ANK3: variants seen among roughly 807,000 people sequenced by gnomAD.
The protein encoded by ANK3 is ankyrin-3.
A neutral mutation model predicts 370.9 loss-of-function variants in ANK3; 57 were observed. That is an observed-to-expected ratio of 0.15 (90% CI 0.12 to 0.19). ANK3 has a LOEUF of 0.19. ANK3 is among the 10% of genes least tolerant of loss of function. The probability of loss-of-function intolerance (pLI) is 1.00; values close to 1 mark genes in which losing one functional copy is unlikely to be tolerated. For synonymous variants in ANK3, 1,929 were observed against 1,946.3 expected (o/e 0.99, Z 0.23); for missense variants, 4,439 against 5,302.1 (o/e 0.84, Z 5.06).
intron 7 of ANK3, among the ~76,000 whole-genome samples, chr10:60,246,296 AGAT>A (rs1285584063): frequency 6.7e-6 from 1 of 149,486 alleles, no homozygotes; most frequent in Non-Finnish European, 1.5e-5. Context: ...AAAGAAAAAA[AGAT>A]GATCACCATT....
intron 23 of ANK3, among the ~76,000 whole-genome samples, chr10:60,155,450 G>T (rs1263768317): frequency 1.3e-5 from 2 of 152,180 alleles, no homozygotes; most frequent in Non-Finnish European, 2.9e-5. Context: ...TTCACCATTG[G>T]CTGACTAAAG....
At chr10:60,493,717 A>G (rs897066224) in intron 2 of ANK3, among the ~76,000 whole-genome samples, 4 of 152,012 alleles carry the variant, frequency 2.6e-5, no homozygotes, top group African/African-American at 9.7e-5. Context: ...TAAGAACTAC[A>G]TAGCCAACCC....
chr10:60,421,070 G>C (rs951338162), intron 2 of ANK3, among the ~76,000 whole-genome samples: 2 of 149,608 alleles, frequency 1.3e-5, no homozygotes, highest in Non-Finnish European at 3.0e-5. Flanking sequence ...TTGAGCACAT[G>C]TTAAGTGAAA....
rs2082334551 is a variant in ANK3 at position 60,069,699 on chromosome 10, C to A, written c.11182G>T (p.Ala3728Ser). ...TCTTTCTTCATGGTCATGGTGGATG[C>A]AGAAATTCCCATTTTTATAGGCGTG... ...LRTPIKMGIS[A>S]STMTMKKEGP... The change falls in exon 37 of 44, where the codon GCA (alanine) becomes TCA (serine). Residue 3728 changes from alanine to serine, a missense_variant. Ala to Ser is a moderately conservative substitution (Grantham distance 99, BLOSUM62 1). Around this residue, in one of 13 missense-constraint regions of ANK3, gnomAD observed 496 missense variants for 529.3 expected, o/e 0.94. Transcript: ENST00000280772. The A allele has an allele frequency of 1.9e-6, 3 of 1,613,798 alleles. No homozygotes were observed. Among genetic ancestry groups the A allele is most frequent in the South Asian group, 1.1e-5 (1 of 91,024 alleles).
intron 2 of ANK3, among the ~76,000 whole-genome samples, chr10:60,486,458 T>C (rs761350522): frequency 2.6e-5 from 4 of 152,176 alleles, no homozygotes; most frequent in Non-Finnish European, 5.9e-5. Flanking sequence ...TGCGCACCTG[T>C]AGTCCTAGCT....
chr10:60,205,064 G>A (rs1292043083), intron 11 of ANK3, among the ~76,000 whole-genome samples: 3 of 152,142 alleles, frequency 2.0e-5, no homozygotes, highest in Non-Finnish European at 4.4e-5. Context: ...TGAGGTGGAG[G>A]TTGGGGGTCT....
chr10:60,121,601 A>C (rs896807733), intron 25 of ANK3, among the ~76,000 whole-genome samples: 1 of 150,894 alleles, frequency 6.6e-6, no homozygotes, highest in Non-Finnish European at 1.5e-5. Flanking sequence ...CTGAGGAGGG[A>C]GGATGGCTTG....
chr10:60,577,702 C>G (rs996595513), intron 2 of ANK3, among the ~76,000 whole-genome samples: 8 of 152,150 alleles, frequency 5.3e-5, no homozygotes, highest in Non-Finnish European at 1.0e-4. Flanking sequence ...TTATCAGCAG[C>G]ATGAAAACAG....
chr10:60,198,251 T>G (rs1051140227), intron 14 of ANK3, 89 bp downstream of exon 14: 1 of 1,306,066 alleles, frequency 7.7e-7, no homozygotes. Flanking sequence ...GATGCTGTTG[T>G]GCAGCTTCTG....
chr10:60,485,929 T>C (rs2075335868), intron 2 of ANK3, among the ~76,000 whole-genome samples: 1 of 151,282 alleles, frequency 6.6e-6, no homozygotes, highest in Non-Finnish European at 1.5e-5. Context: ...AGAGAAAGTA[T>C]AGAAAGATGA....
At chr10:60,729,623 A>G (rs2079992445) in intron 1 of ANK3, among the ~76,000 whole-genome samples, 1 of 152,218 alleles carries the variant, frequency 6.6e-6, no homozygotes, top group Non-Finnish European at 1.5e-5. Flanking sequence ...CATCTGATCA[A>G]AAAACACCAC....
At chr10:60,292,006 C>T (rs1391393668) in intron 1 of ANK3, among the ~76,000 whole-genome samples, 1 of 152,178 alleles carries the variant, frequency 6.6e-6, no homozygotes, top group Non-Finnish European at 1.5e-5. Context: ...AGCCACTGTG[C>T]TCAGCTCAAG....
chr10:60,043,294 G>A, intron 42 of ANK3: 1 of 985,328 alleles, frequency 1.0e-6, no homozygotes, highest in Non-Finnish European at 1.2e-6. Flanking sequence ...CAAGGTTGTG[G>A]CACAAATACT....
chr10:60,449,333 C>T (rs1415859652), intron 2 of ANK3, among the ~76,000 whole-genome samples: 2 of 151,960 alleles, frequency 1.3e-5, no homozygotes, highest in Admixed American at 6.6e-5. Context: ...TTTAAACATC[C>T]TTTTTTGCAC....
At chr10:60,601,648 C>T (rs753972203) in intron 2 of ANK3, among the ~76,000 whole-genome samples, 2 of 151,632 alleles carry the variant, frequency 1.3e-5, no homozygotes, top group Non-Finnish European at 2.9e-5. Context: ...GATCCTGGAA[C>T]CAAAAAATAA....
rs537137066 is a variant in ANK3, at chr10:60,499,008, A to G, written c.96+116178T>C. On this transcript the variant is annotated intron_variant, in intron 2 of 43. Transcript: ENST00000373827. ...TATCTTCTCACAGTATCTTAATCACAATTTTGTAAAGTGGCAGTTCTTTTA... is the reference window on the plus strand; with the variant it reads ...TATCTTCTCACAGTATCTTAATCACGATTTTGTAAAGTGGCAGTTCTTTTA... Among the ~76,000 whole-genome samples, 3 of 152,310 alleles carry G rather than the reference A, an allele frequency of 2.0e-5. No individual in the cohort carries two copies. The South Asian group carries it at 6.2e-4, about 32-fold the overall frequency.
upstream of ANK3, among the ~76,000 whole-genome samples, chr10:60,392,445 T>C (rs1409972678): frequency 6.6e-6 from 1 of 152,180 alleles, no homozygotes; most frequent in Non-Finnish European, 1.5e-5. Flanking sequence ...GGCAGATCCC[T>C]GGTAGCAACA....
At chr10:60,337,495 C>G (rs2053276390) in intron 1 of ANK3, among the ~76,000 whole-genome samples, 1 of 152,134 alleles carries the variant, frequency 6.6e-6, no homozygotes, top group Admixed American at 6.5e-5. Context: ...AGCATTTTCT[C>G]TTATCAGGCT....
At chr10:60,318,085 G>C (rs1444546335) in intron 1 of ANK3, among the ~76,000 whole-genome samples, 1 of 152,052 alleles carries the variant, frequency 6.6e-6, no homozygotes, top group Non-Finnish European at 1.5e-5. Context: ...TGGGTTATCT[G>C]TACCTATTTC....
Sources: gnomAD v4.1 joint callset for allele counts (sites outside exome capture counted in the v4.1 genomes callset) on GRCh38, gnomAD v4.1.1 for gene constraint, gnomAD v4.1.1 regional missense constraint, MANE v1.5 for transcripts, NCBI Gene and HGNC (gene_info 2026-07-23, HGNC 2026-07-21) for gene names.